Variants in EIF4G3 observed in about 807,000 individuals in gnomAD.
EIF4G3 encodes the protein eukaryotic translation initiation factor 4 gamma 3.
EIF4G3 carries 34 observed loss-of-function variants against 186.4 expected under a neutral mutation model. The observed-to-expected ratio is 0.18, with a 90% confidence interval of 0.14 to 0.24. The LOEUF is 0.24. Among genes scored for constraint, EIF4G3 ranks in the 10% least tolerant of loss-of-function variants. EIF4G3 has a pLI of 1.00. For missense variants in EIF4G3, 1,536 were observed against 1,948.5 expected, an observed-to-expected ratio of 0.79 and a Z score of 3.99; for synonymous variants, 673 against 679.5, an observed-to-expected ratio of 0.99 and a Z score of 0.15.
intron 3 of EIF4G3, among the ~76,000 whole-genome samples, chr1:21,081,370 T>C (rs1044010157): frequency 1.3e-5 from 2 of 151,956 alleles, no homozygotes; most frequent in African/African-American, 4.8e-5. Flanking sequence ...GAGGCGGAGG[T>C]TGCAGTGAGC....
chr1:21,052,718 T>C (rs1312069903), intron 3 of EIF4G3, among the ~76,000 whole-genome samples: 3 of 152,182 alleles, frequency 2.0e-5, no homozygotes, highest in East Asian at 1.9e-4. Flanking sequence ...GTGCCTGCGA[T>C]TGCAGGCGCG....
intron 2 of EIF4G3, among the ~76,000 whole-genome samples, chr1:21,097,243 T>G (rs959688426): frequency 2.0e-5 from 3 of 152,154 alleles, no homozygotes; most frequent in African/African-American, 7.2e-5. Context: ...GAGACTCTTT[T>G]CATCGAAAAA....
At chr1:21,070,303 A>AAAAG (rs2095405435) in intron 3 of EIF4G3, among the ~76,000 whole-genome samples, 2 of 152,198 alleles carry the variant, frequency 1.3e-5, no homozygotes, top group Non-Finnish European at 1.5e-5. Flanking sequence ...TTTGTTAAAA[A>AAAAG]AAAGAAAAAG....
intron 2 of EIF4G3, among the ~76,000 whole-genome samples, chr1:21,147,823 G>A (rs1003097360): frequency 6.6e-6 from 1 of 152,116 alleles, no homozygotes. Context: ...TTGAAAGACT[G>A]CAATATTTAA....
intron 18 of EIF4G3, chr1:20,892,557 C>T (rs6685306): frequency 0.34 from 380,621 of 1,133,054 alleles, 70,356 homozygotes; most frequent in Non-Finnish European, 0.38. Flanking sequence ...ATAAAAAGAG[C>T]GTAACAGAAA....
intron 15 of EIF4G3, among the ~76,000 whole-genome samples, chr1:20,903,700 T>C (rs1464047467): frequency 3.3e-5 from 5 of 152,100 alleles, no homozygotes; most frequent in Non-Finnish European, 5.9e-5. Flanking sequence ...CACAGCATCA[T>C]GTAACAGCAA....
intron 2 of EIF4G3, among the ~76,000 whole-genome samples, chr1:21,092,621 A>G (rs2096243378): frequency 6.6e-6 from 1 of 152,160 alleles, no homozygotes; most frequent in African/African-American, 2.4e-5. Context: ...TCTGGAACCA[A>G]AAAAGGGCCC....
At chr1:21,047,807 T>TA (rs1332685131) in intron 4 of EIF4G3, among the ~76,000 whole-genome samples, 2 of 152,176 alleles carry the variant, frequency 1.3e-5, no homozygotes, top group Non-Finnish European at 2.9e-5. Context: ...AAAAAAAACT[T>TA]GAGTTTCCCA....
chr1:21,052,044 G>A (rs1216561136), intron 3 of EIF4G3, among the ~76,000 whole-genome samples: 1 of 152,046 alleles, frequency 6.6e-6, no homozygotes, highest in Non-Finnish European at 1.5e-5. Context: ...AATCTTAACA[G>A]AAAGCATTAC....
chr1:21,156,867 G>C (rs2097670785), intron 2 of EIF4G3, among the ~76,000 whole-genome samples: 1 of 152,052 alleles, frequency 6.6e-6, no homozygotes, highest in African/African-American at 2.4e-5. Context: ...TTGAGCCCAG[G>C]AGTTCAAGAC....
At chr1:21,016,417 G>A (rs548885940) in intron 4 of EIF4G3, among the ~76,000 whole-genome samples, 4 of 152,246 alleles carry the variant, frequency 2.6e-5, no homozygotes, top group African/African-American at 9.6e-5. Flanking sequence ...CAGGTGTGGT[G>A]GCTCATACCT....
At chr1:20,888,341 G>A (rs982973332) in intron 18 of EIF4G3, among the ~76,000 whole-genome samples, 5 of 152,230 alleles carry the variant, frequency 3.3e-5, no homozygotes, top group East Asian at 1.9e-4. Context: ...TATAACCCAC[G>A]TGAAAGCACC....
chr1:20,900,751 T>G (rs1280920460), intron 15 of EIF4G3, among the ~76,000 whole-genome samples: 2 of 152,086 alleles, frequency 1.3e-5, no homozygotes, highest in Non-Finnish European at 2.9e-5. Flanking sequence ...AAAACAATCC[T>G]CTGAAACAAC....
rs763355758 is a variant in EIF4G3 at position 20,973,030 on chromosome 1, G to T, written c.563C>A (p.Pro188Gln). 2 of 1,606,678 alleles carry T rather than the reference G, an allele frequency of 1.2e-6. No homozygotes were observed. Among genetic ancestry groups the T allele is most frequent in the Non-Finnish European group, 8.5e-7 (1 of 1,178,110 alleles). ...APIIVPTQQQPPPAKREKKTI... is the reference protein window; with the variant it reads ...APIIVPTQQQQPPAKREKKTI... The stretch of plus-strand genomic sequence containing the variant: ...TTTTTTCTCTCTCTTGGCTGGAGGC[G>T]GCTGTTGCTGCGTAGGCACTATGAT... The change falls in exon 11 of 37, where the codon CCG becomes CAG. Residue 188 changes from proline to glutamine, a missense_variant. This residue lies in a region of EIF4G3 where 194 missense variants were observed against 212.8 expected (regional missense o/e 0.91). Coordinates refer to ENST00000602326, the MANE Select transcript of EIF4G3 (RefSeq NM_001391906.1).
At chr1:20,944,582 A>G (rs1236825629) in intron 13 of EIF4G3, among the ~76,000 whole-genome samples, 1 of 152,010 alleles carries the variant, frequency 6.6e-6, no homozygotes, top group Non-Finnish European at 1.5e-5. Context: ...GGACAGAGAG[A>G]GAGAGAAAAA....
At chr1:21,130,393 T>C (rs1369802553) in intron 2 of EIF4G3, among the ~76,000 whole-genome samples, 1 of 151,694 alleles carries the variant, frequency 6.6e-6, no homozygotes, top group African/African-American at 2.4e-5. Flanking sequence ...CTCAGCTAAT[T>C]TTTTTGTGTT....
intron 2 of EIF4G3, among the ~76,000 whole-genome samples, chr1:21,132,967 G>A (rs954620235): frequency 2.7e-5 from 4 of 150,522 alleles, no homozygotes; most frequent in Admixed American, 6.6e-5. Context: ...ATTTTTAGTA[G>A]AGATGGGGAT....
intron 4 of EIF4G3, among the ~76,000 whole-genome samples, chr1:21,016,160 GA>G (rs1388782717): frequency 6.6e-6 from 1 of 152,204 alleles, no homozygotes; most frequent in Non-Finnish European, 1.5e-5. Context: ...GGAGAGGCCT[GA>G]GGTGAAAAGA....
At chr1:20,815,580 T>C (rs1251653709) in intron 34 of EIF4G3, among the ~76,000 whole-genome samples, 53 of 145,258 alleles carry the variant, frequency 3.6e-4, no homozygotes, top group African/African-American at 1.2e-3. Context: ...AGCCCCTCCG[T>C]CCGGCAGCCA....
Sources: allele counts gnomAD v4.1 joint callset (sites outside exome capture counted in the v4.1 genomes callset), GRCh38; gene constraint gnomAD v4.1.1; regional missense constraint gnomAD v4.1.1; transcripts MANE v1.5; gene names NCBI Gene and HGNC (gene_info 2026-07-23, HGNC 2026-07-21).